ASB13: variants seen among roughly 807,000 people sequenced by gnomAD.
The protein encoded by ASB13 is ankyrin repeat and SOCS box containing 13.
A neutral mutation model predicts 28.8 loss-of-function variants in ASB13; 33 were observed. That is an observed-to-expected ratio of 1.15 (90% CI 0.87 to 1.53). ASB13 has a LOEUF of 1.53. Among genes scored for constraint, ASB13 ranks in the 40% most tolerant of loss-of-function variants. ASB13 has a pLI of 0.00. For synonymous variants in ASB13, 182 were observed against 172.9 expected, an observed-to-expected ratio of 1.05 and a Z score of -0.41; for missense variants, 414 against 390.1, an observed-to-expected ratio of 1.06 and a Z score of -0.52.
chr10:5,648,943 C>T (rs779216357), intron 4 of ASB13, 27 bp downstream of exon 4: 4 of 1,611,356 alleles, frequency 2.5e-6, no homozygotes, highest in South Asian at 1.1e-5. Context: ...CTCAGGTAAA[C>T]ACCCGCTCGG....
At position 5,660,797 on chromosome 10, in the gene ASB13, T is replaced by C. The variant is rs528525020; in HGVS notation, c.43+5712A>G. Reference sequence around the variant, plus strand: ...TCCAGTAACTCAATCCTTACCTAAGTCGGGTGACTGATTGAGTCTCTGCCC... The same window carrying C: ...TCCAGTAACTCAATCCTTACCTAAGCCGGGTGACTGATTGAGTCTCTGCCC... On this transcript the variant is annotated intron_variant, in intron 1 of 5. Transcript: ENST00000357700. This position sits in a 1 kb window ranked among gnomAD's most constrained non-coding sequence, Gnocchi z 6.1. 7.2e-5 allele frequency among the ~76,000 whole-genome samples: 11 copies of C among 152,134 alleles called. No homozygotes were observed. Among genetic ancestry groups the C allele is most frequent in the Non-Finnish European group, 1.6e-4 (11 of 68,018 alleles).
rs1347632919 is a variant in ASB13, at chr10:5,660,170, A to C, written c.43+6339T>G. On this transcript the variant is annotated intron_variant, in intron 1 of 5. Transcript: ENST00000357700. The surrounding 1 kb of genome is among the most constrained non-coding windows in gnomAD (Gnocchi z 6.1). ...AGCCAAGCAAAAGCCTTTGCCCTGA[A>C]AACTAGAGTTTCACAGATGTCACCT... Among the ~76,000 whole-genome samples, 1 of 152,196 alleles carries C rather than the reference A, an allele frequency of 6.6e-6. No individual in the cohort carries two copies. Among genetic ancestry groups the C allele is most frequent in the Non-Finnish European group, 1.5e-5 (1 of 68,042 alleles).
rs1248955699 is a variant in ASB13 at position 5,649,582 on chromosome 10, GTGGTGCGATCTCAGC to G, written c.383-493_383-479del. On this transcript the variant is annotated intron_variant, in intron 3 of 5. Transcript: ENST00000357700. The surrounding 1 kb of genome is among the most constrained non-coding windows in gnomAD (Gnocchi z 6.4). ...ATTCTGTTGCCCAGGATGGAATGCA[GTGGTGCGATCTCAGC>G]TCACTACAACCGCCATCTCCCGGGT... Among the ~76,000 whole-genome samples, 1 of 151,382 alleles carries G rather than the reference GTGGTGCGATCTCAGC, an allele frequency of 6.6e-6. No homozygotes were observed. Among genetic ancestry groups the G allele is most frequent in the African/African-American group, 2.4e-5 (1 of 41,160 alleles).
rs1032121573 is a variant in ASB13, at chr10:5,656,439, G to A, written c.44-3389C>T. 3.3e-5 allele frequency among the ~76,000 whole-genome samples: 5 copies of A among 151,948 alleles called. No homozygotes were observed. The highest frequency in any genetic ancestry group is 7.3e-5 in the African/African-American group (3 of 41,378). On this transcript the variant is annotated intron_variant, in intron 1 of 5. Coordinates refer to ENST00000357700, the MANE Select transcript of ASB13 (RefSeq NM_024701.4). This position sits in a 1 kb window ranked among gnomAD's most constrained non-coding sequence, Gnocchi z 4.3. ...CTGTAATCCCAGCTACTCAGGAGGC[G>A]GAGGCAGCAGAATCGCTTGAACCCA...
chr10:5,651,457 T>A lies in ASB13; in HGVS notation c.232-94A>T. 1 of 1,355,978 alleles carries A rather than the reference T, an allele frequency of 7.4e-7. No homozygotes were observed. Among genetic ancestry groups the A allele is most frequent in the Non-Finnish European group, 9.9e-7 (1 of 1,006,492 alleles). 84.0% of individuals were successfully genotyped at this position (1,355,978 alleles called of 1,614,324 possible). A position where few individuals can be genotyped will look rare whatever the true frequency, so the allele number is the denominator to read the frequency against. On this transcript the variant is annotated intron_variant, in intron 2 of 5. Coordinates refer to ENST00000357700, the MANE Select transcript of ASB13 (RefSeq NM_024701.4). This position sits in a 1 kb window ranked among gnomAD's most constrained non-coding sequence, Gnocchi z 5.1. ...GCAGGTTCATCTTTGCTAAGATGCT[T>A]CTTAGAAGCACCGGTTTGCTTTGCT...
chr10:5,648,916 G>T, intron 4 of ASB13, 54 bp downstream of exon 4: 1 of 1,549,400 alleles, frequency 6.5e-7, no homozygotes, highest in Non-Finnish European at 8.8e-7. Context: ...GTAAACACCC[G>T]CTCGGGCAAA....
At chr10:5,648,443 TAAACACCCACGCAGGC>T (rs1834924589) in intron 4 of ASB13, among the ~76,000 whole-genome samples, 3 of 100,932 alleles carry the variant, frequency 3.0e-5, no homozygotes, top group Non-Finnish European at 4.4e-5. Context: ...CCCACTCAGG[TAAACACCCACGCAGGC>T]AAACACCCAC....
intron 4 of ASB13, among the ~76,000 whole-genome samples, chr10:5,647,634 T>C (rs1350312068): frequency 6.6e-6 from 1 of 152,212 alleles, no homozygotes; most frequent in Non-Finnish European, 1.5e-5. Flanking sequence ...CTGTGATCTC[T>C]AGAAATAATC....
At chr10:5,647,828 T>TA (rs1228463734) in intron 4 of ASB13, among the ~76,000 whole-genome samples, 2 of 152,334 alleles carry the variant, frequency 1.3e-5, no homozygotes, top group African/African-American at 2.4e-5. Context: ...TCTACCCAGC[T>TA]CTCTGCTAGG....
chr10:5,666,584 G>A lies in ASB13; in HGVS notation c.-33C>T. On this transcript the variant is annotated 5_prime_UTR_variant, in exon 1 of 6. Transcript: ENST00000357700. ...ACCGGCGGCCGCGCGGCGACTCTGG[G>A]CGCCGGGACCTGGGCCGGGCCGCGC... 4 of 1,121,748 alleles carry A rather than the reference G, an allele frequency of 3.6e-6. No homozygotes were observed. The highest frequency in any genetic ancestry group is 3.8e-4 in the Middle Eastern group (1 of 2,640). 69.5% of individuals were successfully genotyped at this position (1,121,748 alleles called of 1,614,324 possible). A position where few individuals can be genotyped will look rare whatever the true frequency, so the allele number is the denominator to read the frequency against.
chr10:5,648,581 C>T (rs1482003892), intron 4 of ASB13, among the ~76,000 whole-genome samples: 1 of 146,988 alleles, frequency 6.8e-6, no homozygotes. Context: ...CAAACACCCA[C>T]GCAGGCAAAC....
intron 1 of ASB13, 61 bp downstream of exon 1, chr10:5,666,448 C>T (rs1414764986): frequency 2.4e-6 from 3 of 1,245,632 alleles, no homozygotes; most frequent in South Asian, 5.0e-5. Flanking sequence ...ATCGGATACG[C>T]GGCCGGCCTC....
Position 5,664,509 on chromosome 10 carries a change from T to G in ASB13, c.43+2000A>C, listed in dbSNP as rs1043199227. On this transcript the variant is annotated intron_variant, in intron 1 of 5. Transcript: ENST00000357700. This position sits in a 1 kb window ranked among gnomAD's most constrained non-coding sequence, Gnocchi z 4.2. ...CATAGCAAGTGGCTCAGCTGCAATA[T>G]TCACAGTCACAATAATGTCAACACT... Among the ~76,000 whole-genome samples the G allele has an allele frequency of 2.2e-5, 3 of 137,002 alleles. No individual in the cohort carries two copies. Among genetic ancestry groups the G allele is most frequent in the Admixed American group, 2.1e-4 (3 of 14,050 alleles). The allele number at this position is 137,002 out of a possible 152,430, so 89.9% of individuals were successfully genotyped here.
At position 5,641,847 on chromosome 10, in the gene ASB13, C is replaced by G; in HGVS notation, c.632G>C (p.Arg211Pro). The change falls in exon 5 of 6, where the codon CGG becomes CCG. Residue 211 changes from arginine (R) to proline (P), a missense_variant. By Grantham distance (103) the Arg-to-Pro change is moderately radical (BLOSUM62 -2). Coordinates refer to ENST00000357700, the MANE Select transcript of ASB13 (RefSeq NM_024701.4). This position sits in a 1 kb window ranked among gnomAD's most constrained non-coding sequence, Gnocchi z 8.4. ...LIEFGGNIYA[R>P]DNRGKKPSDY... is the part of the protein sequence containing the mutation. ...AGACGGCTTCTTCCCGCGGTTGTCC[C>G]GGGCGTAGATGTTGCCGCCAAACTC... The G allele has an allele frequency of 6.2e-7, 1 of 1,613,826 alleles. No individual in the cohort carries two copies. Among genetic ancestry groups the G allele is most frequent in the Non-Finnish European group, 8.5e-7 (1 of 1,179,934 alleles).
Position 5,641,780 on chromosome 10 carries a change from C to A in ASB13, c.699G>T (p.Glu233Asp). Residue 233 changes from glutamate (E) to aspartate (D), a missense_variant, in exon 5 of 6, where the codon GAG (glutamate) becomes GAT (aspartate). Coordinates refer to ENST00000357700, the MANE Select transcript of ASB13 (RefSeq NM_024701.4). The surrounding 1 kb of genome is among the most constrained non-coding windows in gnomAD (Gnocchi z 8.4). ...WSSSAPAKCFEYYEKTPLTLS... is the reference protein window; with the variant it reads ...WSSSAPAKCFDYYEKTPLTLS... ...GGTGGGGTGTCTCACTTTCGTAGTA[C>A]TCGAAGCACTTGGCGGGAGCGCTGC... 6.3e-7 allele frequency: 1 copy of A among 1,593,964 alleles called. No individual in the cohort carries two copies. The highest frequency in any genetic ancestry group is 8.6e-7 in the Non-Finnish European group (1 of 1,169,332).
At position 5,644,922 on chromosome 10, in the gene ASB13, A is replaced by G. The variant is rs1834861131; in HGVS notation, c.518-2961T>C. Among the ~76,000 whole-genome samples, 1 of 152,202 alleles carries G rather than the reference A, an allele frequency of 6.6e-6. No homozygotes were observed. The highest frequency in any genetic ancestry group is 2.4e-5 in the African/African-American group (1 of 41,446). On this transcript the variant is annotated intron_variant, in intron 4 of 5. Coordinates refer to ENST00000357700, the MANE Select transcript of ASB13 (RefSeq NM_024701.4). This position sits in a 1 kb window ranked among gnomAD's most constrained non-coding sequence, Gnocchi z 5.1. ...TAACTTTGTGTGAAGCAAGGATGGT[A>G]ACATACCTTGAACTGAGAGGCAAGA...
rs1238318808 is a variant in ASB13, at chr10:5,662,532, A to AGTG, written c.43+3976_43+3977insCAC. Among the ~76,000 whole-genome samples, 32 of 17,596 alleles carry AGTG rather than the reference A, an allele frequency of 1.8e-3. 5 individuals are homozygous for AGTG. The highest frequency in any genetic ancestry group is 2.0e-3 in the Non-Finnish European group (18 of 9,010). The allele number at this position is 17,596 out of a possible 152,430, so 11.5% of individuals were successfully genotyped here. ...GCGACAGACTGAGACTCTGTCGAGAAGGGGGGGGGAGGGGAGGGGAGGGGA... is the reference window on the plus strand; with the variant it reads ...GCGACAGACTGAGACTCTGTCGAGAAGTGGGGGGGGGGAGGGGAGGGGAGGGGA... On this transcript the variant is annotated intron_variant, in intron 1 of 5. Coordinates refer to ENST00000357700, the MANE Select transcript of ASB13 (RefSeq NM_024701.4).
rs777155939 is a variant in ASB13, at chr10:5,645,539, G to A, written c.517+3431C>T. Among the ~76,000 whole-genome samples, 59 of 152,230 alleles carry A rather than the reference G, an allele frequency of 3.9e-4. 1 individual carries two copies. Among genetic ancestry groups the A allele is most frequent in the Non-Finnish European group, 5.4e-4 (37 of 68,000 alleles). ...ACTGCCTACAAAGAACAAGAACAACGGTCTCCACGTCCCCCGTGGGGTGCA... is the reference window on the plus strand; with the variant it reads ...ACTGCCTACAAAGAACAAGAACAACAGTCTCCACGTCCCCCGTGGGGTGCA... On this transcript the variant is annotated intron_variant, in intron 4 of 5. Coordinates refer to ENST00000357700, the MANE Select transcript of ASB13 (RefSeq NM_024701.4). The surrounding 1 kb of genome is among the most constrained non-coding windows in gnomAD (Gnocchi z 5.4).
rs1469419788 is a variant in ASB13, at chr10:5,652,607, C to T, written c.231+256G>A. 6.6e-6 allele frequency among the ~76,000 whole-genome samples: 1 copy of T among 152,228 alleles called. No individual in the cohort carries two copies. Among genetic ancestry groups the T allele is most frequent in the Non-Finnish European group, 1.5e-5 (1 of 68,044 alleles). ...GAGAGAGCCTGTGTCTAGGCTGCGG[C>T]CAGCCTGCTGGCTCCTGCCCACCAC... On this transcript the variant is annotated intron_variant, in intron 2 of 5. Transcript: ENST00000357700. This position sits in a 1 kb window ranked among gnomAD's most constrained non-coding sequence, Gnocchi z 5.0.
Sources: allele counts gnomAD v4.1 joint callset (sites outside exome capture counted in the v4.1 genomes callset), GRCh38; gene constraint gnomAD v4.1.1; non-coding constraint Gnocchi (gnomAD v3.1); transcripts MANE v1.5; gene names NCBI Gene and HGNC (gene_info 2026-07-23, HGNC 2026-07-21).